LRRC4C: variants seen among roughly 807,000 people sequenced by gnomAD.
LRRC4C encodes the protein leucine rich repeat containing 4C, also known as leucine-rich repeat-containing protein 4C.
Under a neutral mutation model 33.6 loss-of-function variants are expected in LRRC4C, and 5 were observed. The ratio of observed to expected loss-of-function variants is 0.15; its 90% confidence interval spans 0.08 to 0.31. The LOEUF is 0.31. LRRC4C is among the 10% of genes least tolerant of loss of function. The pLI is 1.00. For missense variants in LRRC4C, 560 were observed against 796.7 expected, an observed-to-expected ratio of 0.70 and a Z score of 3.58; for synonymous variants, 329 against 302.0, an observed-to-expected ratio of 1.09 and a Z score of -0.93.
intron 1 of LRRC4C, among the ~76,000 whole-genome samples, chr11:41,099,807 T>A (rs541823293): frequency 6.6e-6 from 1 of 152,192 alleles, no homozygotes; most frequent in African/African-American, 2.4e-5. Flanking sequence ...TCACCAATTC[T>A]ATTCTACATA....
chr11:40,944,095 C>T (rs1198531938), intron 1 of LRRC4C, among the ~76,000 whole-genome samples: 2 of 152,044 alleles, frequency 1.3e-5, no homozygotes, highest in Admixed American at 1.3e-4. Flanking sequence ...GTTAGCTCCC[C>T]TTGGATGGAT....
At chr11:40,476,444 C>T (rs1224300977) in intron 3 of LRRC4C, among the ~76,000 whole-genome samples, 1 of 143,492 alleles carries the variant, frequency 7.0e-6, no homozygotes, top group Non-Finnish European at 1.5e-5. Flanking sequence ...CTCCTGGGTT[C>T]AAGTGATTCT....
intron 2 of LRRC4C, among the ~76,000 whole-genome samples, chr11:40,871,632 A>G (rs921875753): frequency 6.6e-6 from 1 of 152,046 alleles, no homozygotes; most frequent in African/African-American, 2.4e-5. Context: ...TCCACACTAC[A>G]TCCAAATGGC....
chr11:40,426,235 G>A (rs1950711265), intron 3 of LRRC4C, among the ~76,000 whole-genome samples: 1 of 151,798 alleles, frequency 6.6e-6, no homozygotes, highest in African/African-American at 2.4e-5. Context: ...GGATTGTCTC[G>A]ATCTCCTGAA....
At chr11:40,664,426 C>T (rs770767409) in intron 2 of LRRC4C, among the ~76,000 whole-genome samples, 39 of 151,862 alleles carry the variant, frequency 2.6e-4, no homozygotes, top group African/African-American at 8.9e-4. Flanking sequence ...GCATCTGTAA[C>T]CCCAGCTACT....
chr11:40,395,079 TG>T (rs1352908318), intron 3 of LRRC4C, among the ~76,000 whole-genome samples: 1 of 152,150 alleles, frequency 6.6e-6, no homozygotes, highest in Non-Finnish European at 1.5e-5. Context: ...TAGTCTATAA[TG>T]TAGATGGAGT....
rs1234904886 is a variant in LRRC4C at position 40,874,320 on chromosome 11, G to T, written c.-407+59315C>A. Among the ~76,000 whole-genome samples, 9 of 152,054 alleles carry T rather than the reference G, an allele frequency of 5.9e-5. 1 individual carries two copies. In the East Asian group the frequency reaches 1.5e-3, roughly 26 times the overall value. On this transcript the variant is annotated intron_variant, in intron 2 of 6. Transcript: ENST00000528697. ...AACCAATGTTCTGTAAGGATTTTAT[G>T]CATTTTTTTTTCCAGTAACTCTCCA...
chr11:40,382,763 C>T (rs7928896), intron 3 of LRRC4C, among the ~76,000 whole-genome samples: 6,253 of 146,468 alleles, frequency 0.043, 432 homozygotes, highest in African/African-American at 0.15. Flanking sequence ...GCTCGATCTC[C>T]GCTCACTGCA....
At chr11:41,005,429 C>T (rs1854673550) in intron 1 of LRRC4C, among the ~76,000 whole-genome samples, 3 of 152,082 alleles carry the variant, frequency 2.0e-5, no homozygotes, top group Non-Finnish European at 2.9e-5. Context: ...CATAGTGACA[C>T]CCAGTCTCTA....
chr11:40,683,146 C>T (rs529398040), intron 2 of LRRC4C, among the ~76,000 whole-genome samples: 5 of 152,194 alleles, frequency 3.3e-5, no homozygotes, highest in African/African-American at 9.6e-5. Flanking sequence ...TAGTTCTATG[C>T]GGGAAAGCAG....
At chr11:40,423,000 G>A (rs908342934) in intron 3 of LRRC4C, among the ~76,000 whole-genome samples, 1 of 152,082 alleles carries the variant, frequency 6.6e-6, no homozygotes, top group African/African-American at 2.4e-5. Context: ...TCATCACTTT[G>A]TAATTAATAC....
chr11:40,677,245 G>A (rs371706845), intron 2 of LRRC4C, among the ~76,000 whole-genome samples: 27 of 152,104 alleles, frequency 1.8e-4, no homozygotes, highest in East Asian at 1.2e-3. Flanking sequence ...AATTAGCCGC[G>A]CATGGTGGCA....
At chr11:40,531,710 T>A (rs1956278467) in intron 3 of LRRC4C, among the ~76,000 whole-genome samples, 2 of 151,920 alleles carry the variant, frequency 1.3e-5, no homozygotes, top group South Asian at 4.2e-4. Flanking sequence ...GGAGAATAGG[T>A]ATTATTGAGA....
chr11:41,287,595 G>A (rs551481231), intron 1 of LRRC4C, among the ~76,000 whole-genome samples: 2 of 152,222 alleles, frequency 1.3e-5, no homozygotes, highest in Non-Finnish European at 2.9e-5. Context: ...GTTTCTGCAA[G>A]TACCTAGAAG....
At chr11:41,269,713 C>T (rs1413424627) in intron 1 of LRRC4C, among the ~76,000 whole-genome samples, 2 of 152,106 alleles carry the variant, frequency 1.3e-5, no homozygotes, top group African/African-American at 4.8e-5. Context: ...GACTTTTCCT[C>T]CACTCCTCTG....
At chr11:40,616,475 G>A (rs375639668) in intron 3 of LRRC4C, among the ~76,000 whole-genome samples, 2 of 151,690 alleles carry the variant, frequency 1.3e-5, no homozygotes, top group African/African-American at 2.4e-5. Flanking sequence ...GTTTATTGCG[G>A]CACTATTCAC....
intron 3 of LRRC4C, among the ~76,000 whole-genome samples, chr11:40,469,845 G>A (rs1952840027): frequency 6.6e-6 from 1 of 152,158 alleles, no homozygotes. Context: ...CCTCCTCTCT[G>A]GGAAGGGCAT....
Position 40,841,818 on chromosome 11 carries a change from G to A in LRRC4C, c.-407+91817C>T, listed in dbSNP as rs74375904. Among the ~76,000 whole-genome samples the A allele has an allele frequency of 9.9e-3, 1,505 of 152,224 alleles. 22 individuals carry two copies. The highest frequency in any genetic ancestry group is 0.033 in the African/African-American group (1,374 of 41,558). On this transcript the variant is annotated intron_variant, in intron 2 of 6. Transcript: ENST00000528697. ...AGCCAACCAAGATTGCTAAATAGAA[G>A]GCACATTCATAGGAAACACTGATTT... is the stretch of plus-strand genomic sequence containing the variant.
intron 5 of LRRC4C, among the ~76,000 whole-genome samples, chr11:40,220,325 C>T (rs1864310646): frequency 6.6e-6 from 1 of 152,170 alleles, no homozygotes; most frequent in Non-Finnish European, 1.5e-5. Context: ...TTGAGCACTT[C>T]ATTTGATTAG....
Sources: gnomAD v4.1 joint callset for allele counts (sites outside exome capture counted in the v4.1 genomes callset) on GRCh38, gnomAD v4.1.1 for gene constraint, MANE v1.5 for transcripts, NCBI Gene and HGNC (gene_info 2026-07-23, HGNC 2026-07-21) for gene names.